The following DNAH17 variants were observed in gnomAD, a reference collection of about 807,000 sequenced individuals.
DNAH17 encodes the protein dynein axonemal heavy chain 17, also known as axonemal beta dynein heavy chain 17.
Under a neutral mutation model 485.6 loss-of-function variants are expected in DNAH17, and 376 were observed. The ratio of observed to expected loss-of-function variants is 0.77; its 90% confidence interval spans 0.71 to 0.84. The LOEUF (loss-of-function observed/expected upper bound fraction) is 0.84. DNAH17 is among the 40% of genes least tolerant of loss of function. The probability of loss-of-function intolerance (pLI) is 0.00; values close to 1 mark genes in which losing one functional copy is unlikely to be tolerated. For synonymous variants in DNAH17, 3,031 were observed against 2,405.9 expected, an observed-to-expected ratio of 1.26 and a Z score of -7.60; for missense variants, 6,370 against 5,839.3, an observed-to-expected ratio of 1.09 and a Z score of -2.96.
At chr17:78,471,487 G>C (rs1598512456) in intron 54 of DNAH17, among the ~76,000 whole-genome samples, 1 of 152,192 alleles carries the variant, frequency 6.6e-6, no homozygotes. Flanking sequence ...ATTGGGTGGA[G>C]ACTGACCATA....
chr17:78,560,482 C>T (rs563163974), intron 13 of DNAH17, among the ~76,000 whole-genome samples: 404 of 148,868 alleles, frequency 2.7e-3, no homozygotes, highest in Middle Eastern at 6.8e-3. Flanking sequence ...GACTTTTTCC[C>T]CCCCCCCAGT....
chr17:78,519,413 A>C (rs762275215), intron 25 of DNAH17, among the ~76,000 whole-genome samples: 2 of 152,238 alleles, frequency 1.3e-5, no homozygotes, highest in Non-Finnish European at 2.9e-5. Flanking sequence ...TGAGCAAGAT[A>C]AACCCAAAGC....
Position 78,460,757 on chromosome 17 carries a change from C to T in DNAH17, c.9340-500G>A, listed in dbSNP as rs116669814. Among the ~76,000 whole-genome samples the T allele has an allele frequency of 2.9e-3, 435 of 152,238 alleles. 1 individual carries two copies. The highest frequency in any genetic ancestry group is 9.6e-3 in the African/African-American group (400 of 41,542). On this transcript the variant is annotated intron_variant, in intron 58 of 80. Transcript: ENST00000389840. ...GGGGAAATCCGGGGGCCACTGAGAC[C>T]GCCTTGACTTTGCAGTCTTATTGTT...
intron 76 of DNAH17, 53 bp downstream of exon 76, chr17:78,429,068 G>C: frequency 2.6e-6 from 4 of 1,568,300 alleles, no homozygotes; most frequent in Non-Finnish European, 3.5e-6. Context: ...GGCTCTCACC[G>C]GGAGGCACGA....
chr17:78,554,769 C>T (rs762841165), intron 14 of DNAH17, among the ~76,000 whole-genome samples: 12 of 152,094 alleles, frequency 7.9e-5, no homozygotes, highest in South Asian at 2.1e-4. Context: ...TTTTTTGAGA[C>T]GGAGTCTCGC....
intron 6 of DNAH17, 69 bp downstream of exon 6, chr17:78,570,871 AAAAAAAAG>A (rs2092344099): frequency 5.4e-5 from 42 of 778,294 alleles, no homozygotes; most frequent in African/African-American, 3.7e-4. Flanking sequence ...AAAAAAAAAA[AAAAAAAAG>A]AAAAAAGAAA....
chr17:78,555,932 C>G (rs900061373), intron 14 of DNAH17, among the ~76,000 whole-genome samples: 1 of 152,246 alleles, frequency 6.6e-6, no homozygotes, highest in African/African-American at 2.4e-5. Context: ...TTTACACCAT[C>G]TGTTCCCCTA....
chr17:78,561,703 G>A lies in DNAH17; in HGVS notation c.1835+12C>T. ...GGCGGGGTGCCTGCCCCTGCCCAGG[G>A]CTGTGACTCACGGGTGTTCGACGTG... On this transcript the variant is annotated intron_variant, in intron 12 of 80. Transcript: ENST00000389840. 1 of 1,595,460 alleles carries A rather than the reference G, an allele frequency of 6.3e-7. No individual in the cohort carries two copies. The highest frequency in any genetic ancestry group is 1.7e-5 in the Admixed American group (1 of 59,060).
At chr17:78,536,419 C>T (rs1446987183) in intron 19 of DNAH17, among the ~76,000 whole-genome samples, 4 of 152,118 alleles carry the variant, frequency 2.6e-5, no homozygotes, top group Non-Finnish European at 4.4e-5. Flanking sequence ...TACTGCACTC[C>T]AGCCTGGGCA....
chr17:78,434,316 C>A, intron 74 of DNAH17, 96 bp from the exon 75 acceptor site: 13 of 1,182,592 alleles, frequency 1.1e-5, no homozygotes, highest in Non-Finnish European at 1.3e-5. Flanking sequence ...TTGCCAGATG[C>A]TTTGCTAGGG....
At chr17:78,433,919 GGGAA>G (rs1204793177) in intron 75 of DNAH17, 106 bp downstream of exon 75, 25 of 820,882 alleles carry the variant, frequency 3.0e-5, no homozygotes, top group Non-Finnish European at 3.4e-5. Flanking sequence ...AGGAAAGGGA[GGGAA>G]GGAAGGAGGG....
At chr17:78,424,393 C>T (rs761243695) in intron 80 of DNAH17, 3 of 471,234 alleles carry the variant, frequency 6.4e-6, no homozygotes, top group Non-Finnish European at 1.1e-5. Flanking sequence ...GGGTTCCATC[C>T]GTTTAAATCT....
In DNAH17 at chr17:78,492,563, G is replaced by A. The variant is rs73387127; in HGVS notation, c.6541+70C>T. 5,145 of 1,581,072 alleles carry A rather than the reference G, an allele frequency of 3.3e-3. 116 individuals are homozygous for A. The African/African-American group carries it at 0.052, about 16-fold the overall frequency. ...GGAGGCTGGCCTTCCACGTGGGAAC[G>A]GCTGAGCACACGCTCACTGCACTGG... On this transcript the variant is annotated intron_variant, in intron 42 of 80. Transcript: ENST00000389840.
intron 58 of DNAH17, among the ~76,000 whole-genome samples, chr17:78,460,722 C>T (rs2088076699): frequency 6.6e-6 from 1 of 152,142 alleles, no homozygotes; most frequent in African/African-American, 2.4e-5. Context: ...CTTGAGCTTC[C>T]AAGACTGGAG....
intron 16 of DNAH17, among the ~76,000 whole-genome samples, chr17:78,545,043 C>CGGCTGCCT (rs1466906617): frequency 6.6e-6 from 1 of 151,824 alleles, no homozygotes; most frequent in Non-Finnish European, 1.5e-5. Flanking sequence ...CTCCTCCTCA[C>CGGCTGCCT]GGCTGCCTCT....
chr17:78,532,351 C>T, intron 20 of DNAH17, 131 bp downstream of exon 20: 1 of 1,293,194 alleles, frequency 7.7e-7, no homozygotes, highest in Non-Finnish European at 1.0e-6. Flanking sequence ...TGGTCACCTC[C>T]TGATGTTTGC....
chr17:78,458,913 G>A, intron 61 of DNAH17, 88 bp downstream of exon 61: 3 of 1,426,566 alleles, frequency 2.1e-6, no homozygotes, highest in Non-Finnish European at 2.9e-6. Flanking sequence ...GGCGGGCCGT[G>A]CCAACCCATT....
rs183061134 is a variant in DNAH17, at chr17:78,479,198, T to C, written c.7901-82A>G. ...GCAAGCCTCAAGTTTCTAAAGCCAA[T>C]GGACTACGAAATGGTGACAACTGGA... On this transcript the variant is annotated intron_variant, in intron 50 of 80. Coordinates refer to ENST00000389840, the MANE Select transcript of DNAH17 (RefSeq NM_173628.4). 4.4e-4 allele frequency: 616 copies of C among 1,386,888 alleles called. 8 individuals carry two copies. In the East Asian group the frequency reaches 0.012, roughly 26 times the overall value. The allele number at this position is 1,386,888 out of a possible 1,614,324, so 85.9% of individuals were successfully genotyped here.
intron 69 of DNAH17, among the ~76,000 whole-genome samples, chr17:78,448,952 C>A (rs1266078831): frequency 1.3e-5 from 2 of 152,178 alleles, no homozygotes; most frequent in African/African-American, 4.8e-5. Flanking sequence ...CCGCACAAAA[C>A]AAATTAAGAC....
Sources: gnomAD v4.1 joint callset for allele counts (sites outside exome capture counted in the v4.1 genomes callset) on GRCh38, gnomAD v4.1.1 for gene constraint, MANE v1.5 for transcripts, NCBI Gene and HGNC (gene_info 2026-07-23, HGNC 2026-07-21) for gene names.